SMAD2: variants seen among roughly 807,000 people sequenced by gnomAD.
SMAD2 encodes MAD homolog 2.
Under a neutral mutation model 64.4 loss-of-function variants are expected in SMAD2, and 8 were observed. That is an observed-to-expected ratio of 0.12 (90% CI 0.07 to 0.22). The LOEUF is 0.22. SMAD2 is among the 10% of genes least tolerant of loss of function. The pLI, the probability that SMAD2 is intolerant of heterozygous loss-of-function variation, is 1.00. For missense variants in SMAD2, 289 were observed against 561.2 expected (o/e 0.51, Z 4.90); for synonymous variants, 203 against 195.8 (o/e 1.04, Z -0.31).
chr18:47,916,130 G>C (rs187549603), intron 1 of SMAD2, among the ~76,000 whole-genome samples: 1 of 152,216 alleles, frequency 6.6e-6, no homozygotes, highest in Admixed American at 6.5e-5. Flanking sequence ...ATTAGTCATG[G>C]TATTTTTGTT....
At chr18:47,904,476 T>G (rs2033823902) in intron 1 of SMAD2, among the ~76,000 whole-genome samples, 1 of 152,036 alleles carries the variant, frequency 6.6e-6, no homozygotes, top group East Asian at 1.9e-4. Context: ...GGAGGAAACA[T>G]TGCTACCACC....
intron 1 of SMAD2, among the ~76,000 whole-genome samples, chr18:47,897,690 C>T (rs1239879881): frequency 6.6e-6 from 1 of 152,076 alleles, no homozygotes; most frequent in East Asian, 1.9e-4. Context: ...TCAGTTCACA[C>T]AGAATTTAGA....
At chr18:47,920,198 C>A (rs998573378) in intron 1 of SMAD2, 24 of 152,182 alleles carry the variant, frequency 1.6e-4, no homozygotes, top group Admixed American at 1.2e-3. Context: ...ATGCTAACAA[C>A]GGTCTCTTTT....
At chr18:47,897,094 T>C (rs1201900057) in intron 1 of SMAD2, among the ~76,000 whole-genome samples, 3 of 152,186 alleles carry the variant, frequency 2.0e-5, no homozygotes, top group Admixed American at 2.0e-4. Flanking sequence ...CCAATACTAT[T>C]TTAAACTCTT....
chr18:47,898,495 C>T (rs989806671), intron 1 of SMAD2, among the ~76,000 whole-genome samples: 2 of 152,064 alleles, frequency 1.3e-5, no homozygotes, highest in Non-Finnish European at 2.9e-5. Flanking sequence ...ATATTCTTAA[C>T]GTTAAAGAAG....
In SMAD2 at chr18:47,827,905, G is replaced by A. The variant is rs541722976; in HGVS notation, c.*13922C>T. 9.9e-5 allele frequency: 18 copies of A among 182,144 alleles called. No homozygotes were observed. In the East Asian group the frequency reaches 2.2e-3, roughly 23 times the overall value. The allele number at this position is 182,144 out of a possible 1,614,324, so 11.3% of individuals were successfully genotyped here. ...GCAGCCTCTGCCCGGCCGCCACCCC[G>A]TCTGGGAAGTGAGGAGCATCTCTGC... On this transcript the variant is annotated 3_prime_UTR_variant, in exon 11 of 11. Transcript: ENST00000262160.
At chr18:47,850,473 A>G (rs1298375940) in intron 7 of SMAD2, among the ~76,000 whole-genome samples, 4 of 19,458 alleles carry the variant, frequency 2.1e-4, no homozygotes, top group Non-Finnish European at 2.3e-4. Context: ...CATAATATAT[A>G]TTATATATTA....
chr18:47,870,125 A>G (rs1236788866), intron 3 of SMAD2, among the ~76,000 whole-genome samples: 2 of 152,158 alleles, frequency 1.3e-5, no homozygotes, highest in Admixed American at 6.6e-5. Flanking sequence ...TGAGATTCTG[A>G]TAACAAGAAA....
rs955710537 is a variant in SMAD2 at position 47,811,371 on chromosome 18, G to A, written c.*30456C>T. The A allele has an allele frequency of 3.3e-5, 5 of 151,292 alleles. No homozygotes were observed. Among genetic ancestry groups the A allele is most frequent in the African/African-American group, 9.7e-5 (4 of 41,136 alleles). 9.4% of individuals were successfully genotyped at this position (151,292 alleles called of 1,614,324 possible). Reference sequence around the variant, plus strand: ...TATAGTCCCAGCTGCTGGGGAGGCTGAGGGAGGAGAATGGTGTGAACCCAG... The same window carrying A: ...TATAGTCCCAGCTGCTGGGGAGGCTAAGGGAGGAGAATGGTGTGAACCCAG... On this transcript the variant is annotated 3_prime_UTR_variant, in exon 11 of 11. Transcript: ENST00000262160.
rs1364336038 is a variant in SMAD2, at chr18:47,832,460, A to G, written c.*9367T>C. 1 of 152,188 alleles carries G rather than the reference A, an allele frequency of 6.6e-6. No individual in the cohort carries two copies. The highest frequency in any genetic ancestry group is 2.4e-5 in the African/African-American group (1 of 41,448). 9.4% of individuals were successfully genotyped at this position (152,188 alleles called of 1,614,324 possible). A position where few individuals can be genotyped will look rare whatever the true frequency, so the allele number is the denominator to read the frequency against. On this transcript the variant is annotated 3_prime_UTR_variant, in exon 11 of 11. Coordinates refer to ENST00000262160, the MANE Select transcript of SMAD2 (RefSeq NM_005901.6). The stretch of plus-strand genomic sequence containing the variant: ...ACTACACCAGTCCCAAGGCTATTCA[A>G]TGCCACGTAAAATAGTGTATTTTAG...
In SMAD2 at chr18:47,821,359, T is replaced by A. The variant is rs1030832948; in HGVS notation, c.*20468A>T. 1 of 152,206 alleles carries A rather than the reference T, an allele frequency of 6.6e-6. No individual in the cohort carries two copies. Among genetic ancestry groups the A allele is most frequent in the Non-Finnish European group, 1.5e-5 (1 of 68,030 alleles). The allele number at this position is 152,206 out of a possible 1,614,324, so 9.4% of individuals were successfully genotyped here. ...AACTTTTTTCCTCTGGTTCTAACTC[T>A]TGCTGTTATAACTTGATACTGAAAT... On this transcript the variant is annotated 3_prime_UTR_variant, in exon 11 of 11. Coordinates refer to ENST00000262160, the MANE Select transcript of SMAD2 (RefSeq NM_005901.6).
At chr18:47,860,441 T>A (rs189383713) in intron 6 of SMAD2, among the ~76,000 whole-genome samples, 3,729 of 147,654 alleles carry the variant, frequency 0.025, 125 homozygotes, top group African/African-American at 0.086. Context: ...CTGGCTAATT[T>A]AAAAAAAAAA....
Position 47,824,666 on chromosome 18 carries a change from T to C in SMAD2, c.*17161A>G, listed in dbSNP as rs1279930797. Reference sequence around the variant, plus strand: ...ATTCTTTGGTTCTACTGTATACTTTTATTTGGGGATATCTGCTTCCAAACA... The same window carrying C: ...ATTCTTTGGTTCTACTGTATACTTTCATTTGGGGATATCTGCTTCCAAACA... On this transcript the variant is annotated 3_prime_UTR_variant, in exon 11 of 11. Transcript: ENST00000262160. The C allele has an allele frequency of 1.3e-5, 2 of 152,242 alleles. No individual in the cohort carries two copies. Among genetic ancestry groups the C allele is most frequent in the Non-Finnish European group, 2.9e-5 (2 of 68,042 alleles). The allele number at this position is 152,242 out of a possible 1,614,324, so 9.4% of individuals were successfully genotyped here.
intron 1 of SMAD2, among the ~76,000 whole-genome samples, chr18:47,898,326 T>C (rs909129343): frequency 6.6e-6 from 1 of 152,180 alleles, no homozygotes; most frequent in Non-Finnish European, 1.5e-5. Context: ...TCTAGGATAT[T>C]AATATGGGTT....
In SMAD2 at chr18:47,868,332, A is replaced by C; in HGVS notation, c.646T>G (p.Tyr216Asp). Reference sequence around the variant, plus strand: ...CAGAAGGCAAAAATACCTGGAATATAATTACTCTGTGGCTCAATTCCTGCT... The same window carrying C: ...CAGAAGGCAAAAATACCTGGAATATCATTACTCTGTGGCTCAATTCCTGCT... ...FPAGIEPQSNYIPETPPPGYI... is the reference protein window; with the variant it reads ...FPAGIEPQSNDIPETPPPGYI... Residue 216 changes from tyrosine (Y) to aspartate (D), a missense_variant, in exon 5 of 11, where the codon TAT becomes GAT. Physicochemically the swap from Tyr to Asp is radical, Grantham distance 160. Transcript: ENST00000262160. 6.2e-7 allele frequency: 1 copy of C among 1,613,152 alleles called. No individual in the cohort carries two copies. Among genetic ancestry groups the C allele is most frequent in the Non-Finnish European group, 8.5e-7 (1 of 1,179,264 alleles).
chr18:47,860,188 GT>G (rs1202755175), intron 6 of SMAD2, among the ~76,000 whole-genome samples: 1 of 152,084 alleles, frequency 6.6e-6, no homozygotes, highest in East Asian at 1.9e-4. Flanking sequence ...CAAAATCCAA[GT>G]TTATCAAACA....
rs1913075538 is a variant in SMAD2 at position 47,833,125 on chromosome 18, T to C, written c.*8702A>G. On this transcript the variant is annotated 3_prime_UTR_variant, in exon 11 of 11. Transcript: ENST00000262160. The stretch of plus-strand genomic sequence containing the variant: ...TGGTAAACAACTCAAATGGCTTTCT[T>C]TTAATGCTAGGAAAACTGTCCACCT... The C allele has an allele frequency of 5.1e-6, 1 of 195,158 alleles. No individual in the cohort carries two copies. The highest frequency in any genetic ancestry group is 1.1e-5 in the Non-Finnish European group (1 of 93,538). The allele number at this position is 195,158 out of a possible 1,614,324, so 12.1% of individuals were successfully genotyped here. A position where few individuals can be genotyped will look rare whatever the true frequency, so the allele number is the denominator to read the frequency against.
intron 1 of SMAD2, among the ~76,000 whole-genome samples, chr18:47,918,995 C>A (rs1311252062): frequency 6.6e-6 from 1 of 151,916 alleles, no homozygotes; most frequent in African/African-American, 2.4e-5. Context: ...CATCAAGACC[C>A]CAGTAAAACA....
At chr18:47,930,715 G>GCACGGC (rs1275363497), upstream of SMAD2, 1 of 147,570 alleles carries the variant, frequency 6.8e-6, no homozygotes, top group East Asian at 2.0e-4. Flanking sequence ...CCGGCCGCCC[G>GCACGGC]CACGGCCGCG....
Sources: gnomAD v4.1 joint callset for allele counts (sites outside exome capture counted in the v4.1 genomes callset) on GRCh38, gnomAD v4.1.1 for gene constraint, MANE v1.5 for transcripts, NCBI Gene and HGNC (gene_info 2026-07-23, HGNC 2026-07-21) for gene names.